Variants in SBDS observed in about 807,000 individuals in gnomAD.
SBDS encodes the protein SBDS ribosome maturation factor, also known as ribosome maturation protein SBDS.
SBDS carries 20 observed loss-of-function variants against 26.4 expected under a neutral mutation model. The ratio of observed to expected loss-of-function variants is 0.76; its 90% CI spans 0.53 to 1.10. The LOEUF (loss-of-function observed/expected upper bound fraction) is 1.10. Ranked by LOEUF, SBDS falls within the 50% of genes least tolerant of loss-of-function variation. The probability of loss-of-function intolerance (pLI) is 0.00; values close to 1 mark genes in which losing one functional copy is unlikely to be tolerated. For missense variants in SBDS, 241 were observed against 302.0 expected, an observed-to-expected ratio of 0.80 and a Z score of 1.50; for synonymous variants, 95 against 105.1, an observed-to-expected ratio of 0.90 and a Z score of 0.59.
intron 2 of SBDS, among the ~76,000 whole-genome samples, chr7:66,993,848 C>A (rs1280625024): frequency 6.6e-6 from 1 of 151,124 alleles, no homozygotes; most frequent in African/African-American, 2.4e-5. Flanking sequence ...CACTGCACTC[C>A]AGCCTGGGCA....
At position 66,994,348 on chromosome 7, in the gene SBDS, A is replaced by G. The variant is rs1228131913; in HGVS notation, c.129-7T>C. 2 of 1,613,246 alleles carry G rather than the reference A, an allele frequency of 1.2e-6. No individual in the cohort carries two copies. Among genetic ancestry groups the G allele is most frequent in the Non-Finnish European group, 1.7e-6 (2 of 1,179,356 alleles). ...TTCATCGAGGTCTTTTTCCCTTGTG[A>G]GGGCAGGAGAGAAAGTCCTATGTGA... On this transcript the variant is annotated splice_polypyrimidine_tract_variant and splice_region_variant and intron_variant, in intron 1 of 4. Coordinates refer to ENST00000246868, the MANE Select transcript of SBDS (RefSeq NM_016038.4).
At chr7:66,993,875 TCCCCCCA>T in intron 2 of SBDS, among the ~76,000 whole-genome samples, 1 of 148,264 alleles carries the variant, frequency 6.7e-6, no homozygotes, top group African/African-American at 2.5e-5. Context: ...CAAGACTCTG[TCCCCCCA>T]CCCAAAAAAA....
chr7:66,995,043 C>A lies in SBDS; in HGVS notation c.128+247G>T, dbSNP rs1793068715. ...CAATTACGAGATTTCTTGGCTGCAG[C>A]TTTTATGACACCAACAAAACAAAAC... On this transcript the variant is annotated intron_variant, in intron 1 of 4. Transcript: ENST00000246868. 1.2e-5 allele frequency: 7 copies of A among 574,268 alleles called. No individual in the cohort carries two copies. In the South Asian group the frequency reaches 1.4e-4, roughly 12 times the overall value. 35.6% of individuals were successfully genotyped at this position (574,268 alleles called of 1,614,324 possible).
intron 4 of SBDS, among the ~76,000 whole-genome samples, chr7:66,990,643 G>A (rs949986836): frequency 3.9e-5 from 6 of 152,080 alleles, no homozygotes; most frequent in Admixed American, 1.3e-4. Context: ...AAAACACTAC[G>A]CATAATATAT....
At chr7:66,990,176 C>T (rs150299465) in intron 4 of SBDS, among the ~76,000 whole-genome samples, 3,521 of 152,228 alleles carry the variant, frequency 0.023, 63 homozygotes, top group Non-Finnish European at 0.03. Flanking sequence ...TGTGCCACCA[C>T]GCCAGACTAT....
chr7:66,994,497 C>A (rs1036025369), intron 1 of SBDS, 156 bp from the exon 2 acceptor site: 2 of 705,558 alleles, frequency 2.8e-6, no homozygotes, highest in Admixed American at 2.2e-5. Context: ...TTTCTTACCC[C>A]CCAACCCCCG....
rs1339511553 is a variant in SBDS, at chr7:66,991,145, A to G, written c.616T>C (p.Leu206=). The G allele has an allele frequency of 8.1e-6, 13 of 1,612,502 alleles. No homozygotes were observed. The highest frequency in any genetic ancestry group is 1.3e-5 in the African/African-American group (1 of 74,886). Residue 206 remains leucine (L), a synonymous_variant, in exon 4 of 5, where the codon TTA becomes CTA. Transcript: ENST00000246868. ...VIESEDYGQQ[L]EIVCLIDPGC... ...AAATATTTGACTCTTACGATTTCTA[A>G]CTGTTGGCCATAATCTTCACTTTCT...
chr7:66,992,104 C>G (rs1047155881), intron 3 of SBDS, among the ~76,000 whole-genome samples: 1 of 152,184 alleles, frequency 6.6e-6, no homozygotes, highest in Non-Finnish European at 1.5e-5. Flanking sequence ...GAAAGCAACC[C>G]AATGTCTATC....
chr7:66,987,764 A>G lies in SBDS; in HGVS notation c.*607T>C, dbSNP rs1240797019. ...TTTTAGCTATATTAATATATATTAT[A>G]AACTTTAAGAATTAGAAATAAGTGA... On this transcript the variant is annotated 3_prime_UTR_variant, in exon 5 of 5. Coordinates refer to ENST00000246868, the MANE Select transcript of SBDS (RefSeq NM_016038.4). 5.7e-6 allele frequency: 1 copy of G among 175,968 alleles called. No homozygotes were observed. Among genetic ancestry groups the G allele is most frequent in the Admixed American group, 6.3e-5 (1 of 15,862 alleles). The allele number at this position is 175,968 out of a possible 1,614,324, so 10.9% of individuals were successfully genotyped here. A position where few individuals can be genotyped will look rare whatever the true frequency, so the allele number is the denominator to read the frequency against.
intron 4 of SBDS, among the ~76,000 whole-genome samples, chr7:66,990,743 G>A (rs751125882): frequency 1.3e-5 from 2 of 152,138 alleles, no homozygotes; most frequent in South Asian, 2.1e-4. Flanking sequence ...CTGGCTGGGC[G>A]CGGTGGCTCA....
In SBDS at chr7:66,993,419, T is replaced by C; in HGVS notation, c.259-2A>G. On this transcript the variant is annotated splice_acceptor_variant, in intron 2 of 4. Coordinates refer to ENST00000246868, the MANE Select transcript of SBDS (RefSeq NM_016038.4). LOFTEE classifies it high-confidence loss of function. ...TTGAACTTCTCCTTTAGTCAAAATCTAAAAAAATGCCAACACATTTAAGAA... is the reference window on the plus strand; with the variant it reads ...TTGAACTTCTCCTTTAGTCAAAATCCAAAAAAATGCCAACACATTTAAGAA... The C allele has an allele frequency of 1.2e-6, 2 of 1,611,656 alleles. No individual in the cohort carries two copies. Among genetic ancestry groups the C allele is most frequent in the Non-Finnish European group, 8.5e-7 (1 of 1,178,008 alleles).
At chr7:66,992,013 G>A (rs1792985903) in intron 3 of SBDS, among the ~76,000 whole-genome samples, 1 of 152,124 alleles carries the variant, frequency 6.6e-6, no homozygotes, top group African/African-American at 2.4e-5. Context: ...TAGTCACCAG[G>A]TATACAGAAA....
chr7:66,994,172 A>G, intron 2 of SBDS, 40 bp downstream of exon 2: 1 of 1,608,734 alleles, frequency 6.2e-7, no homozygotes, highest in Non-Finnish European at 8.5e-7. Context: ...ATACGTTATA[A>G]ATGGTTATTA....
intron 3 of SBDS, among the ~76,000 whole-genome samples, chr7:66,992,170 C>T (rs1374621557): frequency 1.3e-5 from 2 of 152,168 alleles, no homozygotes; most frequent in East Asian, 1.9e-4. Flanking sequence ...GCTATTATTC[C>T]GGCATAAAAA....
Position 66,994,164 on chromosome 7 carries a change from A to G in SBDS, c.258+48T>C, listed in dbSNP as rs536015496. On this transcript the variant is annotated intron_variant, in intron 2 of 4. Transcript: ENST00000246868. ...TTTAATGTTTAATATATCTACAAAT[A>G]CGTTATAAATGGTTATTAGGGTTAG... 5.9e-5 allele frequency: 95 copies of G among 1,601,308 alleles called. No homozygotes were observed. Among genetic ancestry groups the G allele is most frequent in the Non-Finnish European group, 7.8e-5 (91 of 1,169,602 alleles).
At chr7:66,989,182 G>A (rs1376585410) in intron 4 of SBDS, among the ~76,000 whole-genome samples, 1 of 151,302 alleles carries the variant, frequency 6.6e-6, no homozygotes, top group Non-Finnish European at 1.5e-5. Context: ...AGTAGTGTCA[G>A]ATGAGTTAGT....
intron 4 of SBDS, among the ~76,000 whole-genome samples, chr7:66,990,877 C>T (rs1031628013): frequency 1.3e-5 from 2 of 151,972 alleles, no homozygotes; most frequent in Non-Finnish European, 2.9e-5. Context: ...ATTAGCCAGG[C>T]TTGGTGGCGG....
At chr7:66,992,449 G>A (rs1354445244) in intron 3 of SBDS, among the ~76,000 whole-genome samples, 3 of 152,058 alleles carry the variant, frequency 2.0e-5, no homozygotes, top group African/African-American at 7.2e-5. Flanking sequence ...CATACTTTAT[G>A]AGTGTGAAAT....
chr7:66,993,609 C>T (rs527653628), intron 2 of SBDS, among the ~76,000 whole-genome samples, 192 bp from the exon 3 acceptor site: 2 of 152,044 alleles, frequency 1.3e-5, no homozygotes, highest in African/African-American at 4.8e-5. Context: ...CTCAGTGGCT[C>T]ACATCTGTAA....
Sources: allele counts gnomAD v4.1 joint callset (sites outside exome capture counted in the v4.1 genomes callset), GRCh38; gene constraint gnomAD v4.1.1; transcripts MANE v1.5; gene names NCBI Gene and HGNC (gene_info 2026-07-23, HGNC 2026-07-21).